The following PTPRD variants were observed in gnomAD, a reference collection of about 807,000 sequenced individuals.
PTPRD encodes receptor-type tyrosine-protein phosphatase delta.
Under a neutral mutation model 214.5 loss-of-function variants are expected in PTPRD, and 34 were observed. The observed-to-expected ratio is 0.16, with a 90% confidence interval of 0.12 to 0.21. The LOEUF (loss-of-function observed/expected upper bound fraction) is 0.21. Ranked by LOEUF, PTPRD falls within the 10% of genes least tolerant of loss-of-function variation. The pLI is 1.00. For synonymous variants in PTPRD, 1,128 were observed against 845.7 expected (o/e 1.33, Z -5.79); for missense variants, 2,545 against 2,398.7 (o/e 1.06, Z -1.27).
intron 11 of PTPRD, among the ~76,000 whole-genome samples, chr9:8,977,690 C>T (rs1163648716): frequency 1.2e-4 from 17 of 143,220 alleles, no homozygotes; most frequent in African/African-American, 3.4e-4. Flanking sequence ...TTTGCTAGTC[C>T]TCAGTTGTCC....
In PTPRD at chr9:10,145,042, T is replaced by A. The variant is rs369184200; in HGVS notation, c.-544-111252A>T. On this transcript the variant is annotated intron_variant, in intron 3 of 45. Transcript: ENST00000381196. ...AAATATGAAAATAAACACACCGATT[T>A]TTCAAAAAATTAATTTTTATATATA... 2.0e-5 allele frequency among the ~76,000 whole-genome samples: 3 copies of A among 152,040 alleles called. No homozygotes were observed. The East Asian group carries it at 5.8e-4, about 29-fold the overall frequency.
At chr9:9,702,021 G>A (rs1223261073) in intron 7 of PTPRD, among the ~76,000 whole-genome samples, 1 of 152,074 alleles carries the variant, frequency 6.6e-6, no homozygotes, top group African/African-American at 2.4e-5. Context: ...AGGGGTAGCT[G>A]AGGCAGGGGG....
chr9:8,482,362 A>C (rs1438034327), intron 30 of PTPRD, among the ~76,000 whole-genome samples: 1 of 152,018 alleles, frequency 6.6e-6, no homozygotes, highest in Non-Finnish European at 1.5e-5. Context: ...ATCTTCCTTT[A>C]GAATCTTGTT....
intron 3 of PTPRD, among the ~76,000 whole-genome samples, chr9:10,317,726 A>G (rs1260756028): frequency 2.0e-5 from 3 of 152,060 alleles, no homozygotes; most frequent in Non-Finnish European, 4.4e-5. Flanking sequence ...TTTTTAAAGC[A>G]AACACAAATA....
chr9:10,029,326 T>C (rs1163540071), intron 4 of PTPRD, among the ~76,000 whole-genome samples: 1 of 152,084 alleles, frequency 6.6e-6, no homozygotes, highest in Non-Finnish European at 1.5e-5. Context: ...AGTGGAGCTG[T>C]GAGAAGAGAG....
At chr9:8,526,711 T>G in intron 16 of PTPRD, 67 bp from the exon 17 acceptor site, 7 of 1,295,316 alleles carry the variant, frequency 5.4e-6, no homozygotes, top group Non-Finnish European at 7.5e-6. Context: ...AGAAGGAGGC[T>G]AGGGCTGGGG....
At chr9:10,233,204 G>T (rs534700866) in intron 3 of PTPRD, among the ~76,000 whole-genome samples, 3 of 152,124 alleles carry the variant, frequency 2.0e-5, no homozygotes, top group African/African-American at 7.2e-5. Flanking sequence ...AATTCTGCTA[G>T]TTTCATAGAA....
At chr9:10,006,780 G>T (rs1025737970) in intron 4 of PTPRD, among the ~76,000 whole-genome samples, 1 of 151,816 alleles carries the variant, frequency 6.6e-6, no homozygotes, top group Admixed American at 6.6e-5. Context: ...GCTGGTCAAA[G>T]ACTTACTACA....
intron 11 of PTPRD, among the ~76,000 whole-genome samples, chr9:8,982,330 AC>A (rs2099316960): frequency 6.6e-6 from 1 of 151,978 alleles, no homozygotes; most frequent in South Asian, 2.1e-4. Flanking sequence ...TAGGGCATAA[AC>A]TTTATAGATT....
In PTPRD at chr9:9,351,891, T is replaced by C. The variant is rs182494024; in HGVS notation, c.-203+45558A>G. Among the ~76,000 whole-genome samples the C allele has an allele frequency of 7.4e-4, 112 of 152,130 alleles. No individual in the cohort carries two copies. The East Asian group carries it at 0.019, about 26-fold the overall frequency. On this transcript the variant is annotated intron_variant, in intron 9 of 45. Transcript: ENST00000381196. ...GAGATAACATGAATATCCACCTTGATGGACTATATGAGGATTACATGATTA... is the reference window on the plus strand; with the variant it reads ...GAGATAACATGAATATCCACCTTGACGGACTATATGAGGATTACATGATTA...
intron 3 of PTPRD, among the ~76,000 whole-genome samples, chr9:10,181,215 A>G (rs539011453): frequency 2.1e-3 from 318 of 152,248 alleles, no homozygotes; most frequent in Non-Finnish European, 3.2e-3. Flanking sequence ...TTACCATAAT[A>G]TAATTTTATA....
chr9:8,983,808 G>A (rs945781862), intron 11 of PTPRD, among the ~76,000 whole-genome samples: 5 of 151,806 alleles, frequency 3.3e-5, no homozygotes, highest in Admixed American at 6.6e-5. Context: ...TGAGTGCCCA[G>A]CCAATTTTAT....
In PTPRD at chr9:10,604,964, A is replaced by C. The variant is rs2078919978; in HGVS notation, c.-600+7434T>G. On this transcript the variant is annotated intron_variant, in intron 2 of 45. Coordinates refer to ENST00000381196, the MANE Select transcript of PTPRD (RefSeq NM_002839.4). ...GAGTAGTACTTTGATAAAGGTTTTCAGGGGGAATAAAAAAGGAAACTCTTC... is the reference window on the plus strand; with the variant it reads ...GAGTAGTACTTTGATAAAGGTTTTCCGGGGGAATAAAAAAGGAAACTCTTC... Among the ~76,000 whole-genome samples the C allele has an allele frequency of 1.3e-5, 2 of 151,824 alleles. 1 individual carries two copies. Among genetic ancestry groups the C allele is most frequent in the South Asian group, 4.1e-4 (2 of 4,830 alleles).
At chr9:8,449,121 T>G (rs2095844684) in intron 34 of PTPRD, among the ~76,000 whole-genome samples, 1 of 152,200 alleles carries the variant, frequency 6.6e-6, no homozygotes, top group South Asian at 2.1e-4. Context: ...CTTAATGTTC[T>G]TTATTTTAAG....
intron 7 of PTPRD, among the ~76,000 whole-genome samples, chr9:9,674,760 G>A (rs1323523945): frequency 6.6e-6 from 1 of 151,700 alleles, no homozygotes; most frequent in Non-Finnish European, 1.5e-5. Context: ...CTGGGAAGAT[G>A]TACAATTCTC....
intron 7 of PTPRD, among the ~76,000 whole-genome samples, chr9:9,600,923 C>A (rs1261803490): frequency 6.6e-6 from 1 of 152,056 alleles, no homozygotes; most frequent in Non-Finnish European, 1.5e-5. Context: ...TTTAAGGTGG[C>A]TTTCTTGTTT....
At chr9:8,819,223 G>C (rs913287493) in intron 11 of PTPRD, among the ~76,000 whole-genome samples, 4 of 152,106 alleles carry the variant, frequency 2.6e-5, no homozygotes, top group African/African-American at 7.2e-5. Context: ...TATTATCAAA[G>C]TTTGTGACTT....
intron 11 of PTPRD, among the ~76,000 whole-genome samples, chr9:8,920,355 A>G: frequency 6.6e-6 from 1 of 152,188 alleles, no homozygotes; most frequent in East Asian, 1.9e-4. Context: ...TATTAAGACA[A>G]TATTTTTTCT....
At chr9:9,102,180 G>A (rs1361930574) in intron 10 of PTPRD, among the ~76,000 whole-genome samples, 1 of 152,154 alleles carries the variant, frequency 6.6e-6, no homozygotes, top group East Asian at 1.9e-4. Flanking sequence ...AAATATGTAG[G>A]TTGTAGCTGC....
Sources: gnomAD v4.1 joint callset for allele counts (sites outside exome capture counted in the v4.1 genomes callset) on GRCh38, gnomAD v4.1.1 for gene constraint, MANE v1.5 for transcripts, NCBI Gene and HGNC (gene_info 2026-07-23, HGNC 2026-07-21) for gene names.